Variants in SYN3 observed in about 807,000 individuals in gnomAD.
SYN3 encodes synapsin III.
A neutral mutation model predicts 65.8 loss-of-function variants in SYN3; 35 were observed. The ratio of observed to expected loss-of-function variants is 0.53; its 90% confidence interval spans 0.41 to 0.70. The LOEUF is 0.70. Among genes scored for constraint, SYN3 ranks in the 30% least tolerant of loss-of-function variants. The pLI is 0.00. For missense variants in SYN3, 680 were observed against 749.0 expected, an observed-to-expected ratio of 0.91 and a Z score of 1.08; for synonymous variants, 270 against 292.9, an observed-to-expected ratio of 0.92 and a Z score of 0.80.
At chr22:32,600,769 C>A (rs1245125033) in intron 6 of SYN3, among the ~76,000 whole-genome samples, 1 of 151,868 alleles carries the variant, frequency 6.6e-6, no homozygotes, top group East Asian at 1.9e-4. Context: ...CTCACTGCAA[C>A]CTCTGTCTCC....
intron 6 of SYN3, among the ~76,000 whole-genome samples, chr22:32,707,358 T>C (rs1378965569): frequency 1.3e-5 from 2 of 152,208 alleles, no homozygotes; most frequent in African/African-American, 4.8e-5. Context: ...GAAACGTCAG[T>C]CATCTCTTTC....
intron 8 of SYN3, 117 bp from the exon 9 acceptor site, chr22:32,538,227 C>T: frequency 1.2e-6 from 1 of 849,694 alleles, no homozygotes; most frequent in Non-Finnish European, 2.0e-6. Flanking sequence ...CACGTAATGG[C>T]ATGTATTCTT....
chr22:32,571,649 C>T (rs1569050388), intron 7 of SYN3, among the ~76,000 whole-genome samples: 2 of 152,172 alleles, frequency 1.3e-5, no homozygotes, highest in Admixed American at 1.3e-4. Flanking sequence ...AACCAAAAGA[C>T]TATGAAAGGT....
intron 12 of SYN3, among the ~76,000 whole-genome samples, chr22:32,524,221 A>G (rs996279860): frequency 2.0e-5 from 3 of 152,274 alleles, no homozygotes; most frequent in African/African-American, 7.2e-5. Context: ...GCTGTGCTAA[A>G]CAACAGATTT....
chr22:32,676,836 C>T (rs2060453494), intron 6 of SYN3, among the ~76,000 whole-genome samples: 1 of 152,070 alleles, frequency 6.6e-6, no homozygotes, highest in African/African-American at 2.4e-5. Context: ...AGCCACTGTG[C>T]CCAGCCAACA....
At chr22:33,034,203 C>G (rs530774416) in intron 1 of SYN3, among the ~76,000 whole-genome samples, 24 of 151,380 alleles carry the variant, frequency 1.6e-4, no homozygotes, top group African/African-American at 5.8e-4. Context: ...AACACACACA[C>G]ACAATTAAAA....
chr22:32,596,877 C>A, intron 6 of SYN3, 141 bp from the exon 7 acceptor site: 1 of 823,028 alleles, frequency 1.2e-6, no homozygotes, highest in Non-Finnish European at 1.9e-6. Flanking sequence ...GATGGTCACC[C>A]AGCCATGGCC....
chr22:32,781,027 CTTTT>C (rs1343956829), intron 6 of SYN3, among the ~76,000 whole-genome samples: 10 of 130,796 alleles, frequency 7.6e-5, no homozygotes, highest in African/African-American at 2.4e-4. Flanking sequence ...TTCTCTCTCT[CTTTT>C]TTCTTTCTTT....
intron 6 of SYN3, among the ~76,000 whole-genome samples, chr22:32,853,252 T>C (rs902601737): frequency 6.6e-6 from 1 of 152,210 alleles, no homozygotes; most frequent in African/African-American, 2.4e-5. Flanking sequence ...GCTCCATTTC[T>C]ACATTCTCTG....
intron 4 of SYN3, among the ~76,000 whole-genome samples, chr22:32,871,994 C>A (rs1004459932): frequency 6.6e-6 from 1 of 152,078 alleles, no homozygotes; most frequent in African/African-American, 2.4e-5. Flanking sequence ...ACCACCTTCT[C>A]TTCCTTCAAT....
intron 6 of SYN3, among the ~76,000 whole-genome samples, chr22:32,648,238 C>T (rs780304794): frequency 1.3e-5 from 2 of 152,158 alleles, no homozygotes; most frequent in African/African-American, 2.4e-5. Context: ...ATTAGCAAAC[C>T]TCCCACTTTC....
In SYN3 at chr22:32,798,240, C is replaced by A. The variant is rs539443046; in HGVS notation, c.711+66675G>T. Among the ~76,000 whole-genome samples the A allele has an allele frequency of 5.9e-5, 9 of 152,108 alleles. No individual in the cohort carries two copies. The South Asian group carries it at 1.5e-3, about 25-fold the overall frequency. On this transcript the variant is annotated intron_variant, in intron 6 of 13. Coordinates refer to ENST00000358763, the MANE Select transcript of SYN3 (RefSeq NM_003490.4). The stretch of plus-strand genomic sequence containing the variant: ...AGTGTAAGTAAAATTTCTCTGTGGG[C>A]TGGGCACTGTACAAAGACTCAAACG...
At chr22:32,917,557 C>G (rs1250514419) in intron 4 of SYN3, among the ~76,000 whole-genome samples, 1 of 152,198 alleles carries the variant, frequency 6.6e-6, no homozygotes, top group African/African-American at 2.4e-5. Flanking sequence ...TATGTCAGGG[C>G]AGGACAGGTT....
chr22:32,854,509 T>C (rs2048310096), intron 6 of SYN3, among the ~76,000 whole-genome samples: 2 of 152,134 alleles, frequency 1.3e-5, no homozygotes, highest in Non-Finnish European at 1.5e-5. Flanking sequence ...GAGTGCTTAG[T>C]TGAAACATTT....
At chr22:32,785,420 C>T (rs892271175) in intron 6 of SYN3, among the ~76,000 whole-genome samples, 6 of 152,116 alleles carry the variant, frequency 3.9e-5, no homozygotes, top group Non-Finnish European at 5.9e-5. Flanking sequence ...AAAGGGATCC[C>T]CTTCTCTGAA....
chr22:32,598,325 G>C (rs1406534178), intron 6 of SYN3, among the ~76,000 whole-genome samples: 1 of 152,188 alleles, frequency 6.6e-6, no homozygotes, highest in African/African-American at 2.4e-5. Flanking sequence ...AAGGCAACCA[G>C]GGAAAGTATT....
intron 3 of SYN3, among the ~76,000 whole-genome samples, chr22:32,958,445 T>C (rs5994646): frequency 2.0e-4 from 31 of 152,224 alleles, no homozygotes; most frequent in African/African-American, 7.5e-4. Flanking sequence ...GTAGTTGGAG[T>C]CTTTGGAGAG....
chr22:32,959,538 G>A (rs1375164259), intron 3 of SYN3, among the ~76,000 whole-genome samples: 8 of 151,582 alleles, frequency 5.3e-5, no homozygotes, highest in African/African-American at 1.9e-4. Context: ...GTGACAGAGT[G>A]AGACACTGTC....
chr22:32,581,776 TTTTC>T (rs767792571), intron 7 of SYN3, among the ~76,000 whole-genome samples: 22 of 66,638 alleles, frequency 3.3e-4, no homozygotes, highest in African/African-American at 6.5e-4. Context: ...TTTTCTTTTC[TTTTC>T]TTTCTTTCTT....
Sources: gnomAD v4.1 joint callset for allele counts (sites outside exome capture counted in the v4.1 genomes callset) on GRCh38, gnomAD v4.1.1 for gene constraint, MANE v1.5 for transcripts, NCBI Gene and HGNC (gene_info 2026-07-23, HGNC 2026-07-21) for gene names.